Variants in ATXN10 observed in about 807,000 individuals in gnomAD.
ATXN10 encodes ataxin 10, also known as ataxin-10.
ATXN10 carries 28 observed loss-of-function variants against 52.9 expected under a neutral mutation model. The ratio of observed to expected loss-of-function variants is 0.53; its 90% CI spans 0.39 to 0.73. The LOEUF (loss-of-function observed/expected upper bound fraction) is 0.73. ATXN10 is among the 30% of genes least tolerant of loss of function. The pLI, the probability that ATXN10 is intolerant of heterozygous loss-of-function variation, is 0.00. For missense variants in ATXN10, 565 were observed against 577.0 expected, an observed-to-expected ratio of 0.98 and a Z score of 0.21; for synonymous variants, 226 against 221.5, an observed-to-expected ratio of 1.02 and a Z score of -0.18.
In ATXN10 at chr22:45,824,895, T is replaced by C. The variant is rs1027429616; in HGVS notation, c.1237+17873T>C. Among the ~76,000 whole-genome samples the C allele has an allele frequency of 1.3e-5, 2 of 152,236 alleles. No homozygotes were observed. The highest frequency in any genetic ancestry group is 4.8e-5 in the African/African-American group (2 of 41,468). ...TGGGTAGGAGGTCCCAGGAATCTCCTAGACAACATTTGTACTGAATCTGAT... is the reference window on the plus strand; with the variant it reads ...TGGGTAGGAGGTCCCAGGAATCTCCCAGACAACATTTGTACTGAATCTGAT... On this transcript the variant is annotated intron_variant, in intron 10 of 11. Transcript: ENST00000252934. This position sits in a 1 kb window ranked among gnomAD's most constrained non-coding sequence, Gnocchi z 5.2.
rs566477401 is a variant in ATXN10 at position 45,729,715 on chromosome 22, T to C, written c.894+125T>C. 26 of 1,063,348 alleles carry C rather than the reference T, an allele frequency of 2.4e-5. No individual in the cohort carries two copies. In the South Asian group the frequency reaches 3.5e-4, roughly 14 times the overall value. The allele number at this position is 1,063,348 out of a possible 1,614,324, so 65.9% of individuals were successfully genotyped here. On this transcript the variant is annotated intron_variant, in intron 7 of 11. Coordinates refer to ENST00000252934, the MANE Select transcript of ATXN10 (RefSeq NM_013236.4). ...AAATATTATGTAAGTAATGTATCCA[T>C]ATATGAGAATAGTTGGAAAATTTAG...
intron 3 of ATXN10, among the ~76,000 whole-genome samples, chr22:45,693,740 A>T (rs1186874817): frequency 6.6e-6 from 1 of 152,212 alleles, no homozygotes; most frequent in Non-Finnish European, 1.5e-5. Context: ...AAATGAGGGT[A>T]TATGACTGGT....
intron 5 of ATXN10, among the ~76,000 whole-genome samples, chr22:45,707,169 T>C (rs1365105095): frequency 6.6e-6 from 1 of 152,192 alleles, no homozygotes; most frequent in East Asian, 1.9e-4. Context: ...TATTTTTCCA[T>C]ATCTTTTGCA....
rs917191404 is a variant in ATXN10 at position 45,699,490 on chromosome 22, CTTTTTTTTTT to C, written c.392-782_392-773del. On this transcript the variant is annotated intron_variant, in intron 3 of 11. Coordinates refer to ENST00000252934, the MANE Select transcript of ATXN10 (RefSeq NM_013236.4). ...ATCTTTTTTTTTTTCTTTTTCTTTC[CTTTTTTTTTT>C]TTTTTTTTTGAGACAGGGTCTGGGT... Among the ~76,000 whole-genome samples, 20 of 117,282 alleles carry C rather than the reference CTTTTTTTTTT, an allele frequency of 1.7e-4. No individual in the cohort carries two copies. The South Asian group carries it at 3.5e-3, about 21-fold the overall frequency. 76.9% of individuals were successfully genotyped at this position (117,282 alleles called of 152,430 possible).
At position 45,762,926 on chromosome 22, in the gene ATXN10, C is replaced by T. The variant is rs777913864; in HGVS notation, c.1173+22388C>T. On this transcript the variant is annotated intron_variant, in intron 9 of 11. Transcript: ENST00000252934. The surrounding 1 kb of genome is among the most constrained non-coding windows in gnomAD (Gnocchi z 4.3). ...GGACTGCAGAGGCATCACCTAGGGG[C>T]TTGTCTGAGATGCAGAGTCTCAGGC... 2.0e-5 allele frequency among the ~76,000 whole-genome samples: 3 copies of T among 152,200 alleles called. No individual in the cohort carries two copies. Among genetic ancestry groups the T allele is most frequent in the Admixed American group, 6.5e-5 (1 of 15,280 alleles).
Position 45,844,666 on chromosome 22 carries a change from T to C in ATXN10, c.*995T>C, listed in dbSNP as rs184693855. The C allele has an allele frequency of 2.0e-5, 3 of 152,326 alleles. No individual in the cohort carries two copies. The highest frequency in any genetic ancestry group is 4.8e-5 in the African/African-American group (2 of 41,574). The allele number at this position is 152,326 out of a possible 1,614,324, so 9.4% of individuals were successfully genotyped here. ...ACTCACTGAATCCAGATCATTCATA[T>C]CATCAACAAAAGCTCTAGGGGGAGG... On this transcript the variant is annotated 3_prime_UTR_variant, in exon 12 of 12. Transcript: ENST00000252934.
chr22:45,814,229 G>A (rs568877745), intron 10 of ATXN10, among the ~76,000 whole-genome samples: 21 of 152,270 alleles, frequency 1.4e-4, no homozygotes, highest in African/African-American at 4.3e-4. Flanking sequence ...CGATGTTTGC[G>A]TTACATATAT....
chr22:45,767,273 G>A (rs1264212686), intron 9 of ATXN10, among the ~76,000 whole-genome samples: 1 of 152,152 alleles, frequency 6.6e-6, no homozygotes, highest in Non-Finnish European at 1.5e-5. Flanking sequence ...AAGTAGACCT[G>A]TATATATTCT....
intron 9 of ATXN10, among the ~76,000 whole-genome samples, chr22:45,742,680 C>T (rs1468883627): frequency 6.6e-6 from 1 of 152,098 alleles, no homozygotes. Context: ...CTTTAGGATG[C>T]TAAATGTTAG....
At position 45,727,343 on chromosome 22, in the gene ATXN10, C is replaced by CTATCTATT. The variant is rs1555890589; in HGVS notation, c.729-2075_729-2074insTTATCTAT. On this transcript the variant is annotated intron_variant, in intron 6 of 11. Transcript: ENST00000252934. This position sits in a 1 kb window ranked among gnomAD's most constrained non-coding sequence, Gnocchi z 4.6. ...TGTCTATCTATCTATATCTATCTAT[C>CTATCTATT]TATCTATCTATCTATCTATCTATCT... Among the ~76,000 whole-genome samples the CTATCTATT allele has an allele frequency of 1.3e-5, 2 of 151,370 alleles. No homozygotes were observed. Among genetic ancestry groups the CTATCTATT allele is most frequent in the African/African-American group, 4.9e-5 (2 of 41,188 alleles).
chr22:45,679,804 T>G (rs564700100), intron 1 of ATXN10: 6 of 152,216 alleles, frequency 3.9e-5, no homozygotes, highest in Non-Finnish European at 8.8e-5. Flanking sequence ...TGGAATTGTT[T>G]GGTAAGGTGT....
chr22:45,811,892 A>G (rs1928293915), intron 10 of ATXN10: 1 of 429,100 alleles, frequency 2.3e-6, no homozygotes. Context: ...CACCTTGCAT[A>G]AGCATGCCCC....
chr22:45,711,999 T>TA (rs1569032515), intron 5 of ATXN10, among the ~76,000 whole-genome samples: 1 of 152,070 alleles, frequency 6.6e-6, no homozygotes, highest in Admixed American at 6.6e-5. Flanking sequence ...CTTTAGAATA[T>TA]AAAAAAAAGT....
At chr22:45,691,008 C>T (rs955576241) in intron 2 of ATXN10, among the ~76,000 whole-genome samples, 8 of 152,068 alleles carry the variant, frequency 5.3e-5, no homozygotes, top group Non-Finnish European at 8.8e-5. Flanking sequence ...CACATATACC[C>T]GAGGCTTTGA....
chr22:45,761,258 CT>C (rs1319808627), intron 9 of ATXN10, among the ~76,000 whole-genome samples: 1 of 152,026 alleles, frequency 6.6e-6, no homozygotes, highest in Non-Finnish European at 1.5e-5. Flanking sequence ...GTAGCTGGGA[CT>C]TTAATGTTTT....
In ATXN10 at chr22:45,686,678, G is replaced by T. The variant is rs544426297; in HGVS notation, c.117-3034G>T. Among the ~76,000 whole-genome samples, 11 of 152,236 alleles carry T rather than the reference G, an allele frequency of 7.2e-5. No homozygotes were observed. The South Asian group carries it at 1.9e-3, about 26-fold the overall frequency. On this transcript the variant is annotated intron_variant, in intron 1 of 11. Coordinates refer to ENST00000252934, the MANE Select transcript of ATXN10 (RefSeq NM_013236.4). ...ACTAAAATACAAAAAAATTAGCCGGGCGTGGTGGCATGCACCTGTAGTCCC... is the reference window on the plus strand; with the variant it reads ...ACTAAAATACAAAAAAATTAGCCGGTCGTGGTGGCATGCACCTGTAGTCCC...
rs565698681 is a variant in ATXN10, at chr22:45,757,405, G to C, written c.1173+16867G>C. Reference sequence around the variant, plus strand: ...CGCCTGCTGGCTGGGAGCAGGGACAGAAAATGCCTGAGGCTCCGAGGTGGG... The same window carrying C: ...CGCCTGCTGGCTGGGAGCAGGGACACAAAATGCCTGAGGCTCCGAGGTGGG... On this transcript the variant is annotated intron_variant, in intron 9 of 11. Coordinates refer to ENST00000252934, the MANE Select transcript of ATXN10 (RefSeq NM_013236.4). This position sits in a 1 kb window ranked among gnomAD's most constrained non-coding sequence, Gnocchi z 4.6. 2.3e-4 allele frequency among the ~76,000 whole-genome samples: 35 copies of C among 152,316 alleles called. No homozygotes were observed. In the South Asian group the frequency reaches 6.8e-3, roughly 30 times the overall value.
In ATXN10 at chr22:45,684,137, GTTTTTTTTT is replaced by G. The variant is rs5845725; in HGVS notation, c.117-5569_117-5561del. ...CCAGCTAATTAAAACAAGTTTTTTT[GTTTTTTTTT>G]TTTTTGTAGAGATAGGGTCTTGCTA... On this transcript the variant is annotated intron_variant, in intron 1 of 11. Transcript: ENST00000252934. This position sits in a 1 kb window ranked among gnomAD's most constrained non-coding sequence, Gnocchi z 4.1. Among the ~76,000 whole-genome samples, 1 of 137,362 alleles carries G rather than the reference GTTTTTTTTT, an allele frequency of 7.3e-6. No homozygotes were observed. The highest frequency in any genetic ancestry group is 1.6e-5 in the Non-Finnish European group (1 of 63,368). The allele number at this position is 137,362 out of a possible 152,430, so 90.1% of individuals were successfully genotyped here.
chr22:45,701,057 G>A lies in ATXN10; in HGVS notation c.488+679G>A, dbSNP rs1923824603. Reference sequence around the variant, plus strand: ...GGGAATAGAGTCAGTATACCTAGTAGGAAAGGCACAGTCTGGGAGTGGGAG... The same window carrying A: ...GGGAATAGAGTCAGTATACCTAGTAAGAAAGGCACAGTCTGGGAGTGGGAG... On this transcript the variant is annotated intron_variant, in intron 4 of 11. Coordinates refer to ENST00000252934, the MANE Select transcript of ATXN10 (RefSeq NM_013236.4). The surrounding 1 kb of genome is among the most constrained non-coding windows in gnomAD (Gnocchi z 4.2). 6.6e-6 allele frequency among the ~76,000 whole-genome samples: 1 copy of A among 152,200 alleles called. No individual in the cohort carries two copies. The highest frequency in any genetic ancestry group is 2.4e-5 in the African/African-American group (1 of 41,438).
Sources: gnomAD v4.1 joint callset for allele counts (sites outside exome capture counted in the v4.1 genomes callset) on GRCh38, gnomAD v4.1.1 for gene constraint, Gnocchi (gnomAD v3.1) non-coding constraint, MANE v1.5 for transcripts, NCBI Gene and HGNC (gene_info 2026-07-23, HGNC 2026-07-21) for gene names.